APBB2: variants seen among roughly 807,000 people sequenced by gnomAD.
APBB2 encodes amyloid beta precursor protein binding family B member 2.
Under a neutral mutation model 82.5 loss-of-function variants are expected in APBB2, and 38 were observed. The observed-to-expected ratio is 0.46, with a 90% confidence interval of 0.36 to 0.60. The LOEUF is 0.60. APBB2 is among the 20% of genes least tolerant of loss of function. APBB2 has a pLI of 0.00. For missense variants in APBB2, 772 were observed against 972.3 expected, an observed-to-expected ratio of 0.79 and a Z score of 2.74; for synonymous variants, 341 against 368.2, an observed-to-expected ratio of 0.93 and a Z score of 0.85.
intron 10 of APBB2, among the ~76,000 whole-genome samples, chr4:40,911,980 C>G (rs149310625): frequency 1.3e-5 from 2 of 152,348 alleles, no homozygotes; most frequent in Non-Finnish European, 2.9e-5. Context: ...AGACATGGAA[C>G]AGGCCTGCAG....
At chr4:40,922,875 C>T (rs563787846) in intron 10 of APBB2, among the ~76,000 whole-genome samples, 59 of 152,260 alleles carry the variant, frequency 3.9e-4, no homozygotes, top group African/African-American at 1.4e-3. Context: ...CGCTCGGCCT[C>T]CCAAAGTGCT....
At chr4:40,853,573 A>G (rs1577978930) in intron 12 of APBB2, among the ~76,000 whole-genome samples, 1 of 150,564 alleles carries the variant, frequency 6.6e-6, no homozygotes, top group African/African-American at 2.4e-5. Context: ...CCTCAGCCTC[A>G]CGAGCAGCTG....
intron 2 of APBB2, among the ~76,000 whole-genome samples, chr4:41,128,502 C>T (rs1222158287): frequency 6.6e-6 from 1 of 152,174 alleles, no homozygotes; most frequent in East Asian, 1.9e-4. Context: ...TCACCAAAGC[C>T]CTGTAAAAGA....
rs562324685 is a variant in APBB2 at position 41,200,701 on chromosome 4, TTTTC to T, written c.-417+13700_-417+13703del. On this transcript the variant is annotated intron_variant, in intron 1 of 17. Transcript: ENST00000508593. ...TGTCACTCTATAGAGCATGTAGAAA[TTTTC>T]TTTGTTTAAAAAATGCAAAGTAGCT... Among the ~76,000 whole-genome samples the T allele has an allele frequency of 7.4e-3, 1,120 of 152,238 alleles. 10 individuals carry two copies. Among genetic ancestry groups the T allele is most frequent in the African/African-American group, 0.025 (1,055 of 41,544 alleles).
intron 10 of APBB2, among the ~76,000 whole-genome samples, chr4:40,905,313 T>C (rs775416740): frequency 1.8e-4 from 27 of 152,140 alleles, no homozygotes; most frequent in Non-Finnish European, 2.6e-4. Context: ...TCCCCTGCAG[T>C]TGGGAAACAC....
intron 10 of APBB2, among the ~76,000 whole-genome samples, chr4:40,903,511 T>C (rs12504191): frequency 0.26 from 39,218 of 152,122 alleles, 5,944 homozygotes; most frequent in East Asian, 0.55. Flanking sequence ...CTGATTTTGA[T>C]GTAAGCCCCC....
chr4:40,950,063 T>C (rs1789668868), intron 6 of APBB2, among the ~76,000 whole-genome samples: 1 of 152,078 alleles, frequency 6.6e-6, no homozygotes. Context: ...GAAGGCAAGG[T>C]TTACAGAAAC....
At chr4:41,001,974 A>G (rs1805379867) in intron 6 of APBB2, among the ~76,000 whole-genome samples, 1 of 152,138 alleles carries the variant, frequency 6.6e-6, no homozygotes, top group South Asian at 2.1e-4. Context: ...GGCTGGGGTC[A>G]TCTCATTCTC....
chr4:41,194,838 C>T, intron 1 of APBB2, among the ~76,000 whole-genome samples: 5 of 151,764 alleles, frequency 3.3e-5, no homozygotes, highest in Admixed American at 6.6e-5. Context: ...CTCACTCACT[C>T]GTTTTTCTTT....
intron 17 of APBB2, among the ~76,000 whole-genome samples, chr4:40,819,977 G>A (rs1747245985): frequency 6.6e-6 from 1 of 152,122 alleles, no homozygotes; most frequent in Non-Finnish European, 1.5e-5. Flanking sequence ...ACGCCCGGCT[G>A]AAAGTGAAGA....
At chr4:40,854,544 T>G (rs778585639) in intron 12 of APBB2, among the ~76,000 whole-genome samples, 1 of 152,058 alleles carries the variant, frequency 6.6e-6, no homozygotes, top group Non-Finnish European at 1.5e-5. Flanking sequence ...CCCAGCACTT[T>G]GGGAGGCCGA....
At chr4:40,982,099 C>T (rs540356915) in intron 6 of APBB2, among the ~76,000 whole-genome samples, 1 of 150,778 alleles carries the variant, frequency 6.6e-6, no homozygotes, top group South Asian at 2.1e-4. Flanking sequence ...GCGTAAAAAT[C>T]GCTTGAACCC....
chr4:41,131,449 A>G (rs1755942254), intron 2 of APBB2, among the ~76,000 whole-genome samples: 1 of 152,206 alleles, frequency 6.6e-6, no homozygotes, highest in African/African-American at 2.4e-5. Context: ...AATATCAATT[A>G]CATACAAACA....
chr4:41,000,914 C>G (rs1435096346), intron 6 of APBB2, among the ~76,000 whole-genome samples: 1 of 151,990 alleles, frequency 6.6e-6, no homozygotes, highest in African/African-American at 2.4e-5. Flanking sequence ...AAGACGAAAG[C>G]CACTTTGAAA....
intron 6 of APBB2, among the ~76,000 whole-genome samples, chr4:40,982,254 G>GAAAGAAAGAAAT (rs1798793050): frequency 4.4e-5 from 1 of 22,636 alleles, no homozygotes; most frequent in African/African-American, 1.7e-4. Context: ...AAGAAAGAAA[G>GAAAGAAAGAAAT]AAAGAAAGAA....
chr4:40,823,616 A>G (rs1179839413), intron 16 of APBB2, 28 bp downstream of exon 16: 1 of 1,491,240 alleles, frequency 6.7e-7, no homozygotes, highest in Admixed American at 1.7e-5. Context: ...TATAAGACAC[A>G]CCAATGTCAT....
chr4:40,995,069 C>T (rs929658483), intron 6 of APBB2, among the ~76,000 whole-genome samples: 4 of 152,042 alleles, frequency 2.6e-5, no homozygotes, highest in Non-Finnish European at 2.9e-5. Context: ...AAGGACAGCG[C>T]GCCTCAGACT....
At chr4:40,953,013 G>C (rs1354222957) in intron 6 of APBB2, among the ~76,000 whole-genome samples, 2 of 152,134 alleles carry the variant, frequency 1.3e-5, no homozygotes, top group Non-Finnish European at 2.9e-5. Flanking sequence ...ATGGATTTTA[G>C]GCCAGGTGCA....
chr4:41,108,634 TC>T (rs911760878), intron 2 of APBB2, among the ~76,000 whole-genome samples: 3 of 152,088 alleles, frequency 2.0e-5, no homozygotes, highest in African/African-American at 7.2e-5. Flanking sequence ...GATTCCCTTT[TC>T]CAGATTTACA....
Sources: allele counts gnomAD v4.1 joint callset (sites outside exome capture counted in the v4.1 genomes callset), GRCh38; gene constraint gnomAD v4.1.1; transcripts MANE v1.5; gene names NCBI Gene and HGNC (gene_info 2026-07-23, HGNC 2026-07-21).